The following DHH variants were observed in gnomAD, a reference collection of about 807,000 sequenced individuals.
DHH encodes desert hedgehog signaling molecule, also known as desert hedgehog protein.
In DHH, 16 loss-of-function variants were observed where a neutral mutation model predicts 27.6. The observed-to-expected ratio is 0.58, with a 90% CI of 0.39 to 0.88. The LOEUF is 0.88. DHH is among the 40% of genes least tolerant of loss of function. The probability of loss-of-function intolerance (pLI) is 0.00; values close to 1 mark genes in which losing one functional copy is unlikely to be tolerated. For missense variants in DHH, 436 were observed against 563.1 expected (o/e 0.77, Z 2.28); for synonymous variants, 289 against 263.4 (o/e 1.10, Z -0.94).
chr12:49,089,901 G>A lies in DHH; in HGVS notation c.1149C>T (p.Tyr383=). 1.3e-6 allele frequency: 2 copies of A among 1,593,768 alleles called. No homozygotes were observed. Among genetic ancestry groups the A allele is most frequent in the Non-Finnish European group, 1.7e-6 (2 of 1,170,472 alleles). Residue 383 remains tyrosine (Y), a synonymous_variant, in exon 3 of 3, where the codon TAC becomes TAT. Transcript: ENST00000649637. Reference sequence around the variant, plus strand: ...CCGCTAAGCGGTAGAGGAGCCGAGAGTACCAATGCATGCCAGTCGGCTGGA... The same window carrying A: ...CCGCTAAGCGGTAGAGGAGCCGAGAATACCAATGCATGCCAGTCGGCTGGA... ...GAVQPTGMHW[Y]SRLLYRLAEE...
At position 49,091,204 on chromosome 12, in the gene DHH, C is replaced by A. The variant is rs758657868; in HGVS notation, c.489G>T (p.Ala163=). The A allele has an allele frequency of 2.5e-6, 4 of 1,614,234 alleles. No homozygotes were observed. Among genetic ancestry groups the A allele is most frequent in the South Asian group, 2.2e-5 (2 of 91,084 alleles). Residue 163 remains alanine (A), a synonymous_variant, in exon 2 of 3, where the codon GCG becomes GCT. Transcript: ENST00000649637. The surrounding 1 kb of genome is among the most constrained non-coding windows in gnomAD (Gnocchi z 4.8). ...CGAAGCCGGCTTCCACTGCGAGGCG[C>A]GCCAGCAACCCATACTTGTTGCGGT... is the stretch of plus-strand genomic sequence containing the variant. ...DRDRNKYGLL[A]RLAVEAGFDW...
chr12:49,094,584 A>C lies in DHH; in HGVS notation c.-72T>G. The C allele has an allele frequency of 2.3e-4, 338 of 1,482,680 alleles. No individual in the cohort carries two copies. Among genetic ancestry groups the C allele is most frequent in the Non-Finnish European group, 2.8e-4 (302 of 1,086,530 alleles). 91.8% of individuals were successfully genotyped at this position (1,482,680 alleles called of 1,614,324 possible). On this transcript the variant is annotated 5_prime_UTR_variant, in exon 1 of 3. Coordinates refer to ENST00000649637, the MANE Select transcript of DHH (RefSeq NM_021044.4). ...ACTCTCCTGTCAGTTAGGCATCTCC[A>C]CAGGCACCAGAGAGGGCAGCAGGCA...
Position 49,094,291 on chromosome 12 carries a change from G to A in DHH, c.222C>T (p.Phe74=). ...GGTTGTAGTTGGGCACGAGGTCCCG[G>A]AAGCGCTCGGAGCCCCTTGCCACCC... ...EGRVARGSER[F]RDLVPNYNPD... The change falls in exon 1 of 3, where the codon TTC becomes TTT. Residue 74 remains phenylalanine, a synonymous_variant. Transcript: ENST00000649637. 6.2e-7 allele frequency: 1 copy of A among 1,613,446 alleles called. No individual in the cohort carries two copies. The highest frequency in any genetic ancestry group is 8.5e-7 in the Non-Finnish European group (1 of 1,179,972).
intron 1 of DHH, among the ~76,000 whole-genome samples, chr12:49,093,681 C>G (rs959577409): frequency 6.6e-6 from 1 of 152,184 alleles, no homozygotes; most frequent in South Asian, 2.1e-4. Context: ...GGACACGTTT[C>G]CCATGCCAAA....
chr12:49,088,952 T>C lies in DHH; in HGVS notation c.*907A>G, dbSNP rs1939248919. ...TGACTATGCGACGATTGCAAATTAT[T>C]ACCCAGGTTTCCCATGGATCATCAG... On this transcript the variant is annotated 3_prime_UTR_variant, in exon 3 of 3. Transcript: ENST00000649637. Among the ~76,000 whole-genome samples, 1 of 152,344 alleles carries C rather than the reference T, an allele frequency of 6.6e-6. No individual in the cohort carries two copies. Among genetic ancestry groups the C allele is most frequent in the African/African-American group, 2.4e-5 (1 of 41,572 alleles).
rs553057356 is a variant in DHH, at chr12:49,091,496, C to A, written c.304-107G>T. ...TATTCCGGCCCTACTCTTACCCCTC[C>A]CAGCTTTTGAGTGTCCTGGAGAAAT... On this transcript the variant is annotated intron_variant, in intron 1 of 2. Transcript: ENST00000649637. The surrounding 1 kb of genome is among the most constrained non-coding windows in gnomAD (Gnocchi z 4.8). 5 of 1,488,038 alleles carry A rather than the reference C, an allele frequency of 3.4e-6. No individual in the cohort carries two copies. The highest frequency in any genetic ancestry group is 3.6e-6 in the Non-Finnish European group (4 of 1,101,236). 92.2% of individuals were successfully genotyped at this position (1,488,038 alleles called of 1,614,324 possible). A position where few individuals can be genotyped will look rare whatever the true frequency, so the allele number is the denominator to read the frequency against.
rs1939270334 is a variant in DHH, at chr12:49,090,137, C to T, written c.913G>A (p.Gly305Arg). 1.3e-6 allele frequency: 2 copies of T among 1,510,220 alleles called. No individual in the cohort carries two copies. The highest frequency in any genetic ancestry group is 2.9e-5 in the African/African-American group (2 of 69,726). 93.6% of individuals were successfully genotyped at this position (1,510,220 alleles called of 1,614,324 possible). ...RAGDSVLAPGGDALRPARVAR... is the reference protein window; with the variant it reads ...RAGDSVLAPGRDALRPARVAR... ...ACGCGCGCTGGCCGAAGCGCATCCC[C>T]GCCGGGCGCCAGCACCGAGTCCCCA... is the stretch of plus-strand genomic sequence containing the variant. The change falls in exon 3 of 3, where the codon GGG becomes AGG. Residue 305 changes from glycine to arginine, a missense_variant. Transcript: ENST00000649637. The surrounding 1 kb of genome is among the most constrained non-coding windows in gnomAD (Gnocchi z 5.2).
Position 49,090,032 on chromosome 12 carries a change from G to A in DHH, c.1018C>T (p.Leu340=), listed in dbSNP as rs891192779. ...TCCAGAACCGCGTAGCAAGAGGCCA[G>A]GACATCGTTCACCAGCAGCGTCCCG... is the stretch of plus-strand genomic sequence containing the variant. ...AHGTLLVNDV[L]ASCYAVLESH... is the part of the protein sequence containing the mutation. The change falls in exon 3 of 3, where the codon CTG becomes TTG. Residue 340 remains leucine (L), a synonymous_variant. Coordinates refer to ENST00000649637, the MANE Select transcript of DHH (RefSeq NM_021044.4). The surrounding 1 kb of genome is among the most constrained non-coding windows in gnomAD (Gnocchi z 5.2). 6.4e-7 allele frequency: 1 copy of A among 1,552,832 alleles called. No individual in the cohort carries two copies. The highest frequency in any genetic ancestry group is 8.7e-7 in the Non-Finnish European group (1 of 1,149,974).
chr12:49,091,524 G>C lies in DHH; in HGVS notation c.304-135C>G. On this transcript the variant is annotated intron_variant, in intron 1 of 2. Transcript: ENST00000649637. The surrounding 1 kb of genome is among the most constrained non-coding windows in gnomAD (Gnocchi z 4.8). ...GCTTTTGAGTGTCCTGGAGAAATGAGAATCTGAGTCGATGGTAGTCACCAA... is the reference window on the plus strand; with the variant it reads ...GCTTTTGAGTGTCCTGGAGAAATGACAATCTGAGTCGATGGTAGTCACCAA... 7.5e-7 allele frequency: 1 copy of C among 1,326,274 alleles called. No homozygotes were observed. Among genetic ancestry groups the C allele is most frequent in the South Asian group, 1.3e-5 (1 of 77,782 alleles). The allele number at this position is 1,326,274 out of a possible 1,614,324, so 82.2% of individuals were successfully genotyped here.
rs1232424700 is a variant in DHH at position 49,090,149 on chromosome 12, G to C, written c.901C>G (p.Leu301Val). ...CGAAGCGCATCCCCGCCGGGCGCCAGCACCGAGTCCCCAGCGCGTAGCCGG... is the reference window on the plus strand; with the variant it reads ...CGAAGCGCATCCCCGCCGGGCGCCACCACCGAGTCCCCAGCGCGTAGCCGG... ...ARRLRAGDSVLAPGGDALRPA... is the reference protein window; with the variant it reads ...ARRLRAGDSVVAPGGDALRPA... Residue 301 changes from leucine (L) to valine (V), a missense_variant, in exon 3 of 3, where the codon CTG becomes GTG. By Grantham distance (32) the Leu-to-Val change is conservative (BLOSUM62 1). Transcript: ENST00000649637. The surrounding 1 kb of genome is among the most constrained non-coding windows in gnomAD (Gnocchi z 5.2). The C allele has an allele frequency of 1.3e-6, 2 of 1,535,448 alleles. No homozygotes were observed. Among genetic ancestry groups the C allele is most frequent in the Non-Finnish European group, 1.8e-6 (2 of 1,139,630 alleles).
rs150601014 is a variant in DHH, at chr12:49,088,472, C to T, written c.*1387G>A. ...TAGCAGGGACCCTGTGCGATGGGAG[C>T]GCACAGCGGCTACTGGCAAGGGCGA... On this transcript the variant is annotated 3_prime_UTR_variant, in exon 3 of 3. Transcript: ENST00000649637. 1.2e-4 allele frequency among the ~76,000 whole-genome samples: 19 copies of T among 152,278 alleles called. No homozygotes were observed. The East Asian group carries it at 2.9e-3, about 23-fold the overall frequency.
Position 49,090,326 on chromosome 12 carries a change from A to G in DHH, c.724T>C (p.Phe242Leu), listed in dbSNP as rs1343506663. The G allele has an allele frequency of 4.4e-6, 7 of 1,605,376 alleles. No individual in the cohort carries two copies. The highest frequency in any genetic ancestry group is 5.9e-6 in the Non-Finnish European group (7 of 1,176,962). ...GRVVPTPVLL[F>L]LDRDLQRRAS... is the part of the protein sequence containing the mutation. ...CGGCGCTGCAAGTCCCGGTCCAGGA[A>G]GAGCAGCACCGGCGTGGGCACCACC... Residue 242 changes from phenylalanine to leucine, a missense_variant, in exon 3 of 3, where the codon TTC (phenylalanine) becomes CTC (leucine). By Grantham distance (22) the Phe-to-Leu change is conservative. Transcript: ENST00000649637. This position sits in a 1 kb window ranked among gnomAD's most constrained non-coding sequence, Gnocchi z 5.2.
chr12:49,090,082 C>T lies in DHH; in HGVS notation c.968G>A (p.Gly323Asp). 1 of 1,534,648 alleles carries T rather than the reference C, an allele frequency of 6.5e-7. No homozygotes were observed. The change falls in exon 3 of 3, where the codon GGC (glycine) becomes GAC (aspartate). Residue 323 changes from glycine (G) to aspartate (D), a missense_variant. Coordinates refer to ENST00000649637, the MANE Select transcript of DHH (RefSeq NM_021044.4). The surrounding 1 kb of genome is among the most constrained non-coding windows in gnomAD (Gnocchi z 5.2). The stretch of plus-strand genomic sequence containing the variant: ...GTGCGCGGTGAGCGGCGCGAACACG[C>T]CCACGGCTTCCTCCCGCGCCACACG... ...VARVAREEAV[G>D]VFAPLTAHGT...
rs776218044 is a variant in DHH at position 49,090,503 on chromosome 12, G to A, written c.566-19C>T. On this transcript the variant is annotated intron_variant, in intron 2 of 2. Coordinates refer to ENST00000649637, the MANE Select transcript of DHH (RefSeq NM_021044.4). The surrounding 1 kb of genome is among the most constrained non-coding windows in gnomAD (Gnocchi z 5.2). ...GAGTTATCTGCAGGGAACAACCACA[G>A]GGAGGATTGAATCAAGACCAGCGGT... The A allele has an allele frequency of 1.1e-5, 18 of 1,597,140 alleles. No individual in the cohort carries two copies. In the East Asian group the frequency reaches 3.6e-4, roughly 32 times the overall value.
rs1939290802 is a variant in DHH, at chr12:49,090,916, G to A, written c.565+212C>T. 6.6e-6 allele frequency among the ~76,000 whole-genome samples: 1 copy of A among 152,184 alleles called. No individual in the cohort carries two copies. The highest frequency in any genetic ancestry group is 2.4e-5 in the African/African-American group (1 of 41,446). On this transcript the variant is annotated intron_variant, in intron 2 of 2. Coordinates refer to ENST00000649637, the MANE Select transcript of DHH (RefSeq NM_021044.4). This position sits in a 1 kb window ranked among gnomAD's most constrained non-coding sequence, Gnocchi z 5.2. ...GGGATTTCACCATGTTGGCTAGGCTGATCTCGAACTCCTGACCTCAAGTGA... is the reference window on the plus strand; with the variant it reads ...GGGATTTCACCATGTTGGCTAGGCTAATCTCGAACTCCTGACCTCAAGTGA...
rs1939245287 is a variant in DHH, at chr12:49,088,653, G to A, written c.*1206C>T. Among the ~76,000 whole-genome samples, 1 of 152,116 alleles carries A rather than the reference G, an allele frequency of 6.6e-6. No homozygotes were observed. The highest frequency in any genetic ancestry group is 2.4e-5 in the African/African-American group (1 of 41,412). ...CTGGATTCCAGGTGTCTACTGCGTTGGAACCTAAAGGTTCCAAAAACACCC... is the reference window on the plus strand; with the variant it reads ...CTGGATTCCAGGTGTCTACTGCGTTAGAACCTAAAGGTTCCAAAAACACCC... On this transcript the variant is annotated 3_prime_UTR_variant, in exon 3 of 3. Coordinates refer to ENST00000649637, the MANE Select transcript of DHH (RefSeq NM_021044.4).
chr12:49,090,665 T>TTCTA lies in DHH; in HGVS notation c.566-185_566-182dup, dbSNP rs979495550. On this transcript the variant is annotated intron_variant, in intron 2 of 2. Coordinates refer to ENST00000649637, the MANE Select transcript of DHH (RefSeq NM_021044.4). This position sits in a 1 kb window ranked among gnomAD's most constrained non-coding sequence, Gnocchi z 5.2. The stretch of plus-strand genomic sequence containing the variant: ...CTTTTCTTTTCCTTTTTCTTCTCTT[T>TTCTA]TCTATGTATGTATGTATGTATGTAT... 2.6e-3 allele frequency among the ~76,000 whole-genome samples: 362 copies of TTCTA among 140,442 alleles called. No homozygotes were observed. The highest frequency in any genetic ancestry group is 9.2e-3 in the African/African-American group (350 of 37,942). The allele number at this position is 140,442 out of a possible 152,430, so 92.1% of individuals were successfully genotyped here. A position where few individuals can be genotyped will look rare whatever the true frequency, so the allele number is the denominator to read the frequency against.
At position 49,089,188 on chromosome 12, in the gene DHH, C is replaced by T. The variant is rs1027317156; in HGVS notation, c.*671G>A. 3.9e-5 allele frequency among the ~76,000 whole-genome samples: 6 copies of T among 152,250 alleles called. No homozygotes were observed. The highest frequency in any genetic ancestry group is 8.8e-5 in the Non-Finnish European group (6 of 68,042). On this transcript the variant is annotated 3_prime_UTR_variant, in exon 3 of 3. Coordinates refer to ENST00000649637, the MANE Select transcript of DHH (RefSeq NM_021044.4). ...CTGGGACAACCCTGGACCCTTCAGC[C>T]GCAGGAGCGAAATGCTGGTCCTCTC...
Position 49,090,425 on chromosome 12 carries a change from A to G in DHH, c.625T>C (p.Trp209Arg), listed in dbSNP as rs1445658276. The G allele has an allele frequency of 1.2e-6, 2 of 1,609,204 alleles. No individual in the cohort carries two copies. The highest frequency in any genetic ancestry group is 2.2e-5 in the South Asian group (2 of 90,642). The change falls in exon 3 of 3, where the codon TGG (tryptophan) becomes CGG (arginine). Residue 209 changes from tryptophan (W) to arginine (R), a missense_variant. By Grantham distance (101) the Trp-to-Arg change is moderately radical. Coordinates refer to ENST00000649637, the MANE Select transcript of DHH (RefSeq NM_021044.4). This position sits in a 1 kb window ranked among gnomAD's most constrained non-coding sequence, Gnocchi z 5.2. ...CGCAGCCCTTTCCGCTCGCCGCTCC[A>G]CAGGCGCACAGTTGCATTTCCCGGA... is the stretch of plus-strand genomic sequence containing the variant. ...CFPGNATVRL[W>R]SGERKGLREL...
Sources: gnomAD v4.1 joint callset for allele counts (sites outside exome capture counted in the v4.1 genomes callset) on GRCh38, gnomAD v4.1.1 for gene constraint, Gnocchi (gnomAD v3.1) non-coding constraint, MANE v1.5 for transcripts, NCBI Gene and HGNC (gene_info 2026-07-23, HGNC 2026-07-21) for gene names.